CCDC171: variants seen among roughly 807,000 people sequenced by gnomAD.
CCDC171 encodes the protein coiled-coil domain-containing protein 171.
In CCDC171, 177 loss-of-function variants were observed where a neutral mutation model predicts 168.2. That is an observed-to-expected ratio of 1.05 (90% CI 0.93 to 1.19). CCDC171 has a LOEUF of 1.19. Among genes scored for constraint, CCDC171 ranks in the 50% most tolerant of loss-of-function variants. The pLI is 0.00. For synonymous variants in CCDC171, 687 were observed against 540.8 expected, an observed-to-expected ratio of 1.27 and a Z score of -3.75; for missense variants, 1,991 against 1,539.0, an observed-to-expected ratio of 1.29 and a Z score of -4.91.
the CCDC171 span, among the ~76,000 whole-genome samples, chr9:16,079,756 A>G: frequency 5.3e-5 from 8 of 152,212 alleles, no homozygotes; most frequent in Non-Finnish European, 1.0e-4. Context: ...CCTGATACGC[A>G]TGGAATCTCT....
At chr9:16,023,006 C>T (rs115629520) in intron 6 of CCDC171, 1 of 152,184 alleles carries the variant, frequency 6.6e-6, no homozygotes, top group African/African-American at 2.4e-5. Context: ...CAGTGTTTCC[C>T]AAGCACTATG....
At chr9:15,850,296 A>G (rs1352277529) in intron 23 of CCDC171, 1 of 152,020 alleles carries the variant, frequency 6.6e-6, no homozygotes, top group African/African-American at 2.4e-5. Context: ...GGGAAAAACC[A>G]TCACCAATAT....
chr9:16,074,249 A>G, the CCDC171 span, among the ~76,000 whole-genome samples: 13 of 152,162 alleles, frequency 8.5e-5, no homozygotes, highest in Non-Finnish European at 1.9e-4. Context: ...CTGCATGTTT[A>G]TCTCCTTTGA....
intron 25 of CCDC171, among the ~76,000 whole-genome samples, chr9:15,928,765 G>A (rs1826166892): frequency 6.6e-6 from 1 of 151,600 alleles, no homozygotes; most frequent in Non-Finnish European, 1.5e-5. Flanking sequence ...AAACTGGACA[G>A]CTCAGTCAGC....
At chr9:15,860,062 A>G (rs1030732504) in intron 23 of CCDC171, among the ~76,000 whole-genome samples, 1 of 151,142 alleles carries the variant, frequency 6.6e-6, no homozygotes, top group Admixed American at 6.6e-5. Flanking sequence ...ATTATCTACT[A>G]TATTGCATAT....
At chr9:15,705,731 A>G (rs1223265476) in intron 11 of CCDC171, among the ~76,000 whole-genome samples, 1 of 152,190 alleles carries the variant, frequency 6.6e-6, no homozygotes, top group African/African-American at 2.4e-5. Context: ...TAGTATATGG[A>G]ACATTTATTA....
At chr9:15,715,027 G>A (rs1029471000) in intron 11 of CCDC171, among the ~76,000 whole-genome samples, 4 of 152,156 alleles carry the variant, frequency 2.6e-5, no homozygotes, top group Admixed American at 1.3e-4. Context: ...TGTTACCCAA[G>A]ATCCAATCAC....
chr9:15,917,038 G>C (rs1824626277), intron 24 of CCDC171, among the ~76,000 whole-genome samples: 1 of 151,896 alleles, frequency 6.6e-6, no homozygotes, highest in South Asian at 2.1e-4. Flanking sequence ...TTTAATAAGG[G>C]AACAGGATAT....
At chr9:16,009,502 A>G (rs1344264606) in intron 3 of CCDC171, among the ~76,000 whole-genome samples, 4 of 152,292 alleles carry the variant, frequency 2.6e-5, no homozygotes, top group East Asian at 1.9e-4. Flanking sequence ...CATTTCAACT[A>G]TAAGAAAATA....
intron 6 of CCDC171, among the ~76,000 whole-genome samples, chr9:15,604,569 T>C (rs925011585): frequency 1.3e-5 from 2 of 152,212 alleles, no homozygotes; most frequent in African/African-American, 4.8e-5. Flanking sequence ...TGTCTAGTGA[T>C]TGAAGCATGG....
intron 21 of CCDC171, among the ~76,000 whole-genome samples, chr9:15,800,609 T>C (rs958417612): frequency 6.6e-6 from 1 of 152,174 alleles, no homozygotes; most frequent in Non-Finnish European, 1.5e-5. Flanking sequence ...AGAAGCTTTT[T>C]AACTTGATGT....
intron 6 of CCDC171, among the ~76,000 whole-genome samples, chr9:15,602,560 A>G (rs772708567): frequency 5.3e-5 from 8 of 151,828 alleles, no homozygotes; most frequent in Non-Finnish European, 1.2e-4. Flanking sequence ...CTTCTCTGGA[A>G]TATTAACATG....
chr9:16,016,056 T>C (rs965067199), intron 3 of CCDC171, among the ~76,000 whole-genome samples: 2 of 152,228 alleles, frequency 1.3e-5, no homozygotes, highest in Non-Finnish European at 2.9e-5. Flanking sequence ...TTGGCTATTG[T>C]GAATAGTGCT....
chr9:15,795,921 T>A (rs1054619827), intron 21 of CCDC171, among the ~76,000 whole-genome samples: 2 of 152,196 alleles, frequency 1.3e-5, no homozygotes, highest in African/African-American at 4.8e-5. Context: ...AGTGTGACCT[T>A]GTAGAAGGAA....
At chr9:15,630,934 C>T (rs973500033) in intron 7 of CCDC171, among the ~76,000 whole-genome samples, 15 of 151,678 alleles carry the variant, frequency 9.9e-5, no homozygotes, top group East Asian at 1.9e-4. Flanking sequence ...GGGTACATAA[C>T]GAAATGAAGA....
intron 23 of CCDC171, among the ~76,000 whole-genome samples, chr9:15,867,774 T>A (rs1193505112): frequency 6.6e-6 from 1 of 152,096 alleles, no homozygotes; most frequent in Non-Finnish European, 1.5e-5. Context: ...TCTGTCTTTA[T>A]CCTTTAAAAT....
chr9:15,922,539 G>A (rs767687994), intron 25 of CCDC171, among the ~76,000 whole-genome samples: 2 of 151,484 alleles, frequency 1.3e-5, no homozygotes, highest in African/African-American at 4.8e-5. Context: ...ATAGAGGAGT[G>A]CGCATATCTC....
At chr9:15,669,928 T>C (rs558161155) in intron 9 of CCDC171, among the ~76,000 whole-genome samples, 3 of 146,728 alleles carry the variant, frequency 2.0e-5, no homozygotes, top group Non-Finnish European at 3.0e-5. Context: ...TACCCTGTTA[T>C]TGTCAAATTC....
intron 6 of CCDC171, among the ~76,000 whole-genome samples, chr9:15,606,599 A>G (rs758974690): frequency 4.6e-5 from 7 of 152,206 alleles, no homozygotes; most frequent in Non-Finnish European, 8.8e-5. Context: ...AGAGGAGTAC[A>G]TTTAACTCTG....
Sources: allele counts gnomAD v4.1 joint callset (sites outside exome capture counted in the v4.1 genomes callset), GRCh38; gene constraint gnomAD v4.1.1; transcripts MANE v1.5; gene names NCBI Gene and HGNC (gene_info 2026-07-23, HGNC 2026-07-21).